ANO7: variants seen among roughly 807,000 people sequenced by gnomAD.
The protein encoded by ANO7 is anoctamin-7.
Under a neutral mutation model 115.8 loss-of-function variants are expected in ANO7, and 114 were observed. The ratio of observed to expected loss-of-function variants is 0.98; its 90% CI spans 0.85 to 1.15. The LOEUF is 1.15. Ranked by LOEUF, ANO7 falls within the 50% of genes most tolerant of loss-of-function variation. The pLI is 0.00. For missense variants in ANO7, 1,302 were observed against 1,201.2 expected, an observed-to-expected ratio of 1.08 and a Z score of -1.24; for synonymous variants, 550 against 498.2, an observed-to-expected ratio of 1.10 and a Z score of -1.38.
the ANO7 span, chr2:241,235,358 G>A: frequency 5.3e-5 from 81 of 1,541,448 alleles, no homozygotes; most frequent in Middle Eastern, 5.2e-4. Flanking sequence ...GCCACCCGCC[G>A]TGAAGGGAAG....
At chr2:241,201,582 C>T (rs2068473701) in intron 7 of ANO7, among the ~76,000 whole-genome samples, 1 of 152,220 alleles carries the variant, frequency 6.6e-6, no homozygotes, top group African/African-American at 2.4e-5. Flanking sequence ...CCCTCCGGGA[C>T]CCCAGGGCTC....
the ANO7 span, among the ~76,000 whole-genome samples, chr2:241,234,159 TGGCTGCTCCACAA>T: frequency 6.6e-6 from 1 of 152,198 alleles, no homozygotes; most frequent in Non-Finnish European, 1.5e-5. Flanking sequence ...CCAGGGAACT[TGGCTGCTCCACAA>T]GGAGGTCTAT....
chr2:241,207,727 C>G, intron 11 of ANO7, 57 bp downstream of exon 11: 1 of 1,522,864 alleles, frequency 6.6e-7, no homozygotes, highest in South Asian at 1.1e-5. Context: ...AGGAGGGCAG[C>G]TCCCCTTGTC....
At chr2:241,238,501 T>G in the ANO7 span, 1 of 574,904 alleles carries the variant, frequency 1.7e-6, no homozygotes, top group Admixed American at 3.0e-5. This position sits in a 1 kb window ranked among gnomAD's most constrained non-coding sequence, Gnocchi z 4.9. Flanking sequence ...GGCCAGGGAG[T>G]GACCCTGAAC....
chr2:241,201,196 C>T, intron 6 of ANO7, 102 bp from the exon 7 acceptor site: 6 of 1,468,486 alleles, frequency 4.1e-6, no homozygotes, highest in South Asian at 1.3e-5. Flanking sequence ...GGCCCCAAAC[C>T]TTCTGCACCG....
At chr2:241,239,545 C>A in the ANO7 span, 1 of 1,439,892 alleles carries the variant, frequency 6.9e-7, no homozygotes, top group Non-Finnish European at 9.7e-7. This position sits in a 1 kb window ranked among gnomAD's most constrained non-coding sequence, Gnocchi z 4.6. Flanking sequence ...TCATACACGG[C>A]TTCGGTGAGT....
rs2068871744 is a variant in ANO7, at chr2:241,217,837, C to A, written c.2124C>A (p.Ile708=). The change falls in exon 20 of 25, where the codon ATC becomes ATA. Residue 708 remains isoleucine (I), a synonymous_variant. Coordinates refer to ENST00000674324, the MANE Select transcript of ANO7 (RefSeq NM_001370694.2). ...RRPVAERAQD[I]GIWFHILAGL... ...CGGTGGCCGAGCGCGCCCAGGACATCGGCATCTGGTTCCACATCCTGGCGG... is the reference window on the plus strand; with the variant it reads ...CGGTGGCCGAGCGCGCCCAGGACATAGGCATCTGGTTCCACATCCTGGCGG... 12 of 1,608,428 alleles carry A rather than the reference C, an allele frequency of 7.5e-6. No homozygotes were observed. The highest frequency in any genetic ancestry group is 1.0e-5 in the Non-Finnish European group (12 of 1,178,664).
chr2:241,205,803 G>C (rs1394929085), intron 10 of ANO7, among the ~76,000 whole-genome samples: 2 of 68,502 alleles, frequency 2.9e-5, no homozygotes, highest in Admixed American at 1.5e-4. Flanking sequence ...CTCCCAGTCT[G>C]ACAGGTGGAC....
At position 241,218,362 on chromosome 2, in the gene ANO7, G is replaced by A. The variant is rs1295454407; in HGVS notation, c.2302G>A (p.Ala768Thr). The A allele has an allele frequency of 2.7e-6, 4 of 1,462,410 alleles. No individual in the cohort carries two copies. Among genetic ancestry groups the A allele is most frequent in the South Asian group, 1.3e-5 (1 of 77,298 alleles). 90.6% of individuals were successfully genotyped at this position (1,462,410 alleles called of 1,614,324 possible). Residue 768 changes from alanine (A) to threonine (T), a missense_variant, in exon 21 of 25, where the codon GCG becomes ACG. By Grantham distance (58) the Ala-to-Thr change is moderately conservative. Coordinates refer to ENST00000674324, the MANE Select transcript of ANO7 (RefSeq NM_001370694.2). ...GCGAGCCCCGTCCTCCTTCGCCGCC[G>A]CGCACAACCGCACGTGCAGGTGAGC... is the stretch of plus-strand genomic sequence containing the variant. ...LARAPSSFAA[A>T]HNRTCRYRAF...
At chr2:241,232,859 A>AG in the ANO7 span, among the ~76,000 whole-genome samples, 1 of 151,956 alleles carries the variant, frequency 6.6e-6, no homozygotes, top group African/African-American at 2.4e-5. Flanking sequence ...TAAAAATTAA[A>AG]AAATGTATGT....
downstream of ANO7, chr2:241,230,922 G>A: frequency 6.2e-7 from 1 of 1,613,738 alleles, no homozygotes; most frequent in Non-Finnish European, 8.5e-7. This position sits in a 1 kb window ranked among gnomAD's most constrained non-coding sequence, Gnocchi z 5.0. Context: ...TTCGTACCCT[G>A]TGATGGTAAT....
intron 6 of ANO7, 76 bp downstream of exon 6, chr2:241,200,301 G>A (rs1352311275): frequency 2.6e-6 from 4 of 1,549,668 alleles, no homozygotes; most frequent in Middle Eastern, 1.7e-4. Flanking sequence ...GCGGAACTTG[G>A]TGCTTCCCCA....
At chr2:241,232,489 T>A in the ANO7 span, among the ~76,000 whole-genome samples, 1 of 152,202 alleles carries the variant, frequency 6.6e-6, no homozygotes, top group Non-Finnish European at 1.5e-5. Flanking sequence ...TTGGTCAGGT[T>A]GGCCTTGAAC....
At position 241,217,820 on chromosome 2, in the gene ANO7, G is replaced by A; in HGVS notation, c.2107G>A (p.Glu703Lys). ...CTGCGAGTACCGGCGCCCGGTGGCCGAGCGCGCCCAGGACATCGGCATCTG... is the reference window on the plus strand; with the variant it reads ...CTGCGAGTACCGGCGCCCGGTGGCCAAGCGCGCCCAGGACATCGGCATCTG... The part of the protein sequence containing the change: ...FVCEYRRPVA[E>K]RAQDIGIWFH... The change falls in exon 20 of 25, where the codon GAG becomes AAG. Residue 703 changes from glutamate (E) to lysine (K), a missense_variant. Glu to Lys is a moderately conservative substitution (Grantham distance 56). Transcript: ENST00000674324. The A allele has an allele frequency of 6.2e-7, 1 of 1,609,820 alleles. No homozygotes were observed.
rs2069086821 is a variant in ANO7 at position 241,223,840 on chromosome 2, G to A, written c.2532+59G>A. 2.5e-6 allele frequency: 4 copies of A among 1,613,958 alleles called. No homozygotes were observed. The South Asian group carries it at 3.3e-5, about 13-fold the overall frequency. ...CAGCCCTCTCCCTATCCTTGTCAGT[G>A]GCTGCTCTACCTCCGGACACTGAGT... On this transcript the variant is annotated intron_variant, in intron 23 of 24. Transcript: ENST00000674324.
intron 19 of ANO7, 121 bp from the exon 20 acceptor site, chr2:241,217,565 C>T (rs1326339150): frequency 7.9e-6 from 9 of 1,146,486 alleles, no homozygotes; most frequent in East Asian, 2.6e-5. Context: ...GAGGTGGGGG[C>T]GGAATGAGCC....
intron 4 of ANO7, among the ~76,000 whole-genome samples, chr2:241,198,332 C>G (rs1308153945): frequency 6.6e-6 from 1 of 152,192 alleles, no homozygotes; most frequent in Non-Finnish European, 1.5e-5. Context: ...AGCCACCCCA[C>G]TCCTGAGTTT....
intron 15 of ANO7, among the ~76,000 whole-genome samples, chr2:241,211,351 C>T (rs2068715907): frequency 2.0e-5 from 3 of 152,048 alleles, no homozygotes; most frequent in Admixed American, 2.0e-4. Flanking sequence ...TGTCTCATTT[C>T]CTGAGGACAA....
chr2:241,224,207 C>G lies in ANO7; in HGVS notation c.*54C>G. On this transcript the variant is annotated 3_prime_UTR_variant, in exon 25 of 25. Coordinates refer to ENST00000674324, the MANE Select transcript of ANO7 (RefSeq NM_001370694.2). ...GGGGAGTGGCCCCTCCTGAGCCCTG[C>G]GAGCAGCGTCCTTTTCCTCTTCCCT... The G allele has an allele frequency of 6.3e-7, 1 of 1,588,972 alleles. No homozygotes were observed. The highest frequency in any genetic ancestry group is 8.6e-7 in the Non-Finnish European group (1 of 1,159,952).
Sources: gnomAD v4.1 joint callset for allele counts (sites outside exome capture counted in the v4.1 genomes callset) on GRCh38, gnomAD v4.1.1 for gene constraint, Gnocchi (gnomAD v3.1) non-coding constraint, MANE v1.5 for transcripts, NCBI Gene and HGNC (gene_info 2026-07-23, HGNC 2026-07-21) for gene names.